The following KIFC3 variants were observed in gnomAD, a reference collection of about 807,000 sequenced individuals.
The protein encoded by KIFC3 is kinesin-like protein KIFC3.
Under a neutral mutation model 101.8 loss-of-function variants are expected in KIFC3, and 60 were observed. The ratio of observed to expected loss-of-function variants is 0.59; its 90% CI spans 0.48 to 0.73. KIFC3 has a LOEUF of 0.73. Ranked by LOEUF, KIFC3 falls within the 30% of genes least tolerant of loss-of-function variation. The pLI is 0.00. For synonymous variants in KIFC3, 476 were observed against 482.7 expected (o/e 0.99, Z 0.18); for missense variants, 966 against 1,137.1 (o/e 0.85, Z 2.16).
intron 11 of KIFC3, chr16:57,764,500 C>T (rs1555600923): frequency 1.8e-5 from 9 of 507,038 alleles, no homozygotes. Flanking sequence ...TCCTCCTGCT[C>T]TCTCTCAAAG....
intron 1 of KIFC3, among the ~76,000 whole-genome samples, chr16:57,860,932 C>T (rs1189084863): frequency 6.6e-6 from 1 of 151,990 alleles, no homozygotes; most frequent in African/African-American, 2.4e-5. Flanking sequence ...GGCTGGTCTT[C>T]AACTCCTGAG....
At chr16:57,845,496 C>G (rs1042007556) in intron 1 of KIFC3, among the ~76,000 whole-genome samples, 1 of 152,152 alleles carries the variant, frequency 6.6e-6, no homozygotes, top group Non-Finnish European at 1.5e-5. Context: ...ACCTCCTATC[C>G]CTCCCAACAC....
chr16:57,782,270 G>A (rs1233356713), intron 3 of KIFC3: 3 of 466,830 alleles, frequency 6.4e-6, no homozygotes, highest in Admixed American at 6.4e-5. Context: ...GGCTCAGAGA[G>A]GAAGTGACTT....
intron 1 of KIFC3, among the ~76,000 whole-genome samples, chr16:57,841,663 T>TCAAAAA (rs796566995): frequency 1.3e-5 from 2 of 151,956 alleles, no homozygotes; most frequent in African/African-American, 4.8e-5. Flanking sequence ...CGAGACTGTC[T>TCAAAAA]CAAAAACAAA....
At chr16:57,856,436 G>C (rs9938048) in intron 1 of KIFC3, among the ~76,000 whole-genome samples, 15,857 of 147,358 alleles carry the variant, frequency 0.11, 1,459 homozygotes, top group African/African-American at 0.25. Flanking sequence ...ATTCCAGCCT[G>C]GGTGACAGAG....
chr16:57,778,775 C>T (rs556808946), intron 3 of KIFC3, among the ~76,000 whole-genome samples: 3 of 152,150 alleles, frequency 2.0e-5, no homozygotes, highest in East Asian at 1.9e-4. Flanking sequence ...TAAGCAGGAG[C>T]GAGTCCCAGC....
chr16:57,797,472 CG>C (rs1250687487), intron 2 of KIFC3, among the ~76,000 whole-genome samples: 2 of 152,188 alleles, frequency 1.3e-5, no homozygotes, highest in Non-Finnish European at 2.9e-5. Context: ...CCCAGAAAGG[CG>C]AGCTGGCACT....
At chr16:57,771,124 C>G (rs2051131146) in intron 6 of KIFC3, 74 bp downstream of exon 6, 1 of 1,564,460 alleles carries the variant, frequency 6.4e-7, no homozygotes, top group South Asian at 1.2e-5. Context: ...GGACAAGCCC[C>G]CCTTATGGGC....
chr16:57,767,644 A>AT (rs1426440556), intron 9 of KIFC3, among the ~76,000 whole-genome samples: 11 of 151,920 alleles, frequency 7.2e-5, no homozygotes, highest in Middle Eastern at 3.4e-3. Context: ...CATATACTTT[A>AT]TTTTTTTTGA....
Position 57,770,546 on chromosome 16 carries a change from G to A in KIFC3, c.920C>T (p.Thr307Ile), listed in dbSNP as rs566852720. Residue 307 changes from threonine to isoleucine, a missense_variant, in exon 7 of 20, where the codon ACC (threonine) becomes ATC (isoleucine). Coordinates refer to ENST00000445690, the MANE Select transcript of KIFC3 (RefSeq NM_001130100.2). ...EQQLQSSHQL[T>I]ARLRAQIAMY... ...GGGTACCTGCGCCCGGAGCCGCGCGGTCAGCTGGTGTGAGCTCTGCAGCTG... is the reference window on the plus strand; with the variant it reads ...GGGTACCTGCGCCCGGAGCCGCGCGATCAGCTGGTGTGAGCTCTGCAGCTG... 2.7e-6 allele frequency: 4 copies of A among 1,468,408 alleles called. No individual in the cohort carries two copies. The highest frequency in any genetic ancestry group is 5.3e-5 in the Admixed American group (2 of 37,620). 91.0% of individuals were successfully genotyped at this position (1,468,408 alleles called of 1,614,324 possible). A position where few individuals can be genotyped will look rare whatever the true frequency, so the allele number is the denominator to read the frequency against.
chr16:57,760,462 G>A (rs2049707318), intron 16 of KIFC3, 46 bp from the exon 17 acceptor site: 2 of 1,596,178 alleles, frequency 1.3e-6, no homozygotes, highest in Non-Finnish European at 1.7e-6. Context: ...AGCTGGAGGG[G>A]CAACAGGGTC....
chr16:57,823,777 G>A (rs2055403107), intron 1 of KIFC3, among the ~76,000 whole-genome samples: 1 of 150,904 alleles, frequency 6.6e-6, no homozygotes, highest in African/African-American at 2.4e-5. Flanking sequence ...GTGTGTGTGT[G>A]TGTGTGTGTG....
At chr16:57,848,711 G>A (rs1043320388) in intron 1 of KIFC3, among the ~76,000 whole-genome samples, 5 of 152,174 alleles carry the variant, frequency 3.3e-5, no homozygotes, top group African/African-American at 4.8e-5. Flanking sequence ...CTTGCTAAAA[G>A]GAAGCCCTAA....
chr16:57,812,065 A>C (rs2055095504), intron 1 of KIFC3, among the ~76,000 whole-genome samples: 1 of 143,076 alleles, frequency 7.0e-6, no homozygotes, highest in African/African-American at 2.6e-5. Flanking sequence ...TTTTTTTGAG[A>C]CGGAGTCTCG....
In KIFC3 at chr16:57,842,657, A is replaced by G. The variant is rs555516015; in HGVS notation, c.108+20072T>C. On this transcript the variant is annotated intron_variant, in intron 1 of 2. Transcript: ENST00000563028. ...CGTTTGCTTTCTCTTTTCATCCCATAACAACCCATTATTATATTATCTTAT... is the reference window on the plus strand; with the variant it reads ...CGTTTGCTTTCTCTTTTCATCCCATGACAACCCATTATTATATTATCTTAT... 3.5e-4 allele frequency among the ~76,000 whole-genome samples: 54 copies of G among 152,308 alleles called. No individual in the cohort carries two copies. In the South Asian group the frequency reaches 5.8e-3, roughly 16 times the overall value.
chr16:57,807,062 A>T (rs1555627083), upstream of KIFC3, among the ~76,000 whole-genome samples: 1 of 152,154 alleles, frequency 6.6e-6, no homozygotes, highest in African/African-American at 2.4e-5. Flanking sequence ...TATTAAAAAT[A>T]CAAAAATTAC....
chr16:57,813,565 A>G, intron 1 of KIFC3: 1 of 468,390 alleles, frequency 2.1e-6, no homozygotes, highest in Non-Finnish European at 2.8e-6. Context: ...ACAAATGGAG[A>G]CTCTAACCAC....
chr16:57,791,281 C>T (rs553430643), intron 3 of KIFC3, among the ~76,000 whole-genome samples: 3 of 152,342 alleles, frequency 2.0e-5, no homozygotes, highest in African/African-American at 7.2e-5. Context: ...CACCCTGTGA[C>T]CAACTGCCAC....
rs1555605370 is a variant in KIFC3 at position 57,769,385 on chromosome 16, CAT to C, written c.1218+208_1218+209del. Among the ~76,000 whole-genome samples the C allele has an allele frequency of 2.0e-5, 3 of 152,302 alleles. No homozygotes were observed. Among genetic ancestry groups the C allele is most frequent in the East Asian group, 3.9e-4 (2 of 5,190 alleles). On this transcript the variant is annotated intron_variant, in intron 9 of 19. Coordinates refer to ENST00000445690, the MANE Select transcript of KIFC3 (RefSeq NM_001130100.2). The surrounding 1 kb of genome is among the most constrained non-coding windows in gnomAD (Gnocchi z 4.3). ...CTGTAACATGTTTGGTTTAAAGAAT[CAT>C]AGTAAGACAAATAGCCGAATGCCTG... is the stretch of plus-strand genomic sequence containing the variant.
Sources: gnomAD v4.1 joint callset for allele counts (sites outside exome capture counted in the v4.1 genomes callset) on GRCh38, gnomAD v4.1.1 for gene constraint, Gnocchi (gnomAD v3.1) non-coding constraint, MANE v1.5 for transcripts, NCBI Gene and HGNC (gene_info 2026-07-23, HGNC 2026-07-21) for gene names.